Variants in SPAG9 observed in about 807,000 individuals in gnomAD.
SPAG9 encodes C-Jun-amino-terminal kinase-interacting protein 4.
A neutral mutation model predicts 166.5 loss-of-function variants in SPAG9; 35 were observed. The observed-to-expected ratio is 0.21, with a 90% CI of 0.16 to 0.28. The LOEUF (loss-of-function observed/expected upper bound fraction) is 0.28. Among genes scored for constraint, SPAG9 ranks in the 10% least tolerant of loss-of-function variants. SPAG9 has a pLI of 1.00. For missense variants in SPAG9, 1,235 were observed against 1,603.3 expected (o/e 0.77, Z 3.92); for synonymous variants, 534 against 565.5 (o/e 0.94, Z 0.79).
intron 3 of SPAG9, among the ~76,000 whole-genome samples, chr17:51,048,989 G>C (rs556496905): frequency 6.6e-6 from 1 of 152,154 alleles, no homozygotes; most frequent in African/African-American, 2.4e-5. Context: ...CTTGTGTCAG[G>C]AAGAATTTTC....
intron 1 of SPAG9, among the ~76,000 whole-genome samples, chr17:51,094,091 C>T (rs572856483): frequency 6.6e-6 from 1 of 152,092 alleles, no homozygotes; most frequent in Non-Finnish European, 1.5e-5. Flanking sequence ...GCTTACCTAC[C>T]ACTCCACCAG....
At chr17:51,079,753 A>C (rs757010706) in intron 1 of SPAG9, 49 bp from the exon 2 acceptor site, 1 of 1,247,080 alleles carries the variant, frequency 8.0e-7, no homozygotes, top group Non-Finnish European at 1.1e-6. Flanking sequence ...TAAACTTTAC[A>C]TTTTCAACTC....
intron 2 of SPAG9, 82 bp downstream of exon 2, chr17:51,079,502 G>A: frequency 7.2e-7 from 1 of 1,381,418 alleles, no homozygotes; most frequent in Non-Finnish European, 1.0e-6. Flanking sequence ...GCCTCCCAAA[G>A]TGCTGGGATT....
At chr17:50,996,445 C>T (rs1477904661) in intron 16 of SPAG9, 120 bp downstream of exon 16, 3 of 1,147,962 alleles carry the variant, frequency 2.6e-6, no homozygotes, top group Non-Finnish European at 3.7e-6. Context: ...AAATGTGTGC[C>T]CAGTCCATGC....
At chr17:51,013,570 G>A (rs773652029) in intron 9 of SPAG9, among the ~76,000 whole-genome samples, 22 of 152,060 alleles carry the variant, frequency 1.4e-4, no homozygotes, top group African/African-American at 4.6e-4. Flanking sequence ...GCCCATAAGC[G>A]GCAGTTTGCC....
chr17:50,984,701 A>G (rs2143759852), intron 24 of SPAG9, among the ~76,000 whole-genome samples: 1 of 152,196 alleles, frequency 6.6e-6, no homozygotes, highest in East Asian at 1.9e-4. Flanking sequence ...ATAAAATAAA[A>G]TAAAAGCACC....
At chr17:51,114,314 A>G (rs540328541) in intron 1 of SPAG9, among the ~76,000 whole-genome samples, 2 of 151,236 alleles carry the variant, frequency 1.3e-5, no homozygotes, top group Admixed American at 6.6e-5. Flanking sequence ...GCGACAGCAC[A>G]AGACTCTGTC....
intron 6 of SPAG9, among the ~76,000 whole-genome samples, chr17:51,022,167 C>A (rs11656738): frequency 0.24 from 36,149 of 150,286 alleles, 5,158 homozygotes; most frequent in Admixed American, 0.34. Flanking sequence ...CAGATTCCAG[C>A]CACGCACATG....
At chr17:51,047,232 C>T in intron 4 of SPAG9, 143 bp downstream of exon 4, 2 of 565,410 alleles carry the variant, frequency 3.5e-6, no homozygotes. Context: ...CTGTGCTATT[C>T]TCTCCTGCAG....
intron 1 of SPAG9, among the ~76,000 whole-genome samples, chr17:51,116,213 T>C (rs1461918639): frequency 3.3e-5 from 5 of 152,000 alleles, no homozygotes; most frequent in Admixed American, 6.6e-5. Flanking sequence ...ACCCAGATAA[T>C]TTTTGTATTT....
At chr17:51,094,489 G>C (rs1450060650) in intron 1 of SPAG9, among the ~76,000 whole-genome samples, 1 of 152,160 alleles carries the variant, frequency 6.6e-6, no homozygotes, top group Non-Finnish European at 1.5e-5. Flanking sequence ...AGAGCACTTG[G>C]AAATTATTAA....
chr17:51,055,614 C>T (rs989078956), intron 3 of SPAG9, among the ~76,000 whole-genome samples: 3 of 151,076 alleles, frequency 2.0e-5, no homozygotes, highest in East Asian at 3.9e-4. Context: ...AACAAAAAAA[C>T]GGGCTAAGAC....
At chr17:51,044,857 T>A (rs1002553843) in intron 4 of SPAG9, among the ~76,000 whole-genome samples, 1 of 152,188 alleles carries the variant, frequency 6.6e-6, no homozygotes, top group Non-Finnish European at 1.5e-5. Context: ...ATCAAAGACT[T>A]TGATATCTTT....
At position 50,995,453 on chromosome 17, in the gene SPAG9, T is replaced by A. The variant is rs777274961; in HGVS notation, c.2049A>T (p.Thr683=). The A allele has an allele frequency of 6.2e-7, 1 of 1,604,022 alleles. No homozygotes were observed. Among genetic ancestry groups the A allele is most frequent in the Non-Finnish European group, 8.5e-7 (1 of 1,171,536 alleles). The change falls in exon 17 of 30, where the codon ACA becomes ACT. Residue 683 remains threonine (T), a synonymous_variant. Transcript: ENST00000262013. ...VYLRPLDEKD[T]SMKLWCAVGV... is the part of the protein sequence containing the mutation. ...TTCACAATGAACTTACCTTCATTGA[T>A]GTATCTTTTTCATCCAGAGGTCTGA...
chr17:51,020,109 A>C, intron 8 of SPAG9, 50 bp downstream of exon 8: 2 of 1,050,838 alleles, frequency 1.9e-6, no homozygotes, highest in Non-Finnish European at 3.0e-6. Flanking sequence ...TGTTTATGGG[A>C]GTTGGGGGTG....
At chr17:51,117,814 G>A (rs2049336869) in intron 1 of SPAG9, among the ~76,000 whole-genome samples, 1 of 150,732 alleles carries the variant, frequency 6.6e-6, no homozygotes, top group African/African-American at 2.4e-5. Flanking sequence ...TCTGGATACT[G>A]AGCAACACAC....
At chr17:51,096,409 C>G (rs962332378) in intron 1 of SPAG9, among the ~76,000 whole-genome samples, 2 of 151,786 alleles carry the variant, frequency 1.3e-5, no homozygotes, top group Non-Finnish European at 2.9e-5. Flanking sequence ...AGACAGGCAA[C>G]AGAAACCAAA....
intron 10 of SPAG9, among the ~76,000 whole-genome samples, chr17:51,006,607 G>C (rs2045230072): frequency 6.6e-6 from 1 of 152,142 alleles, no homozygotes; most frequent in Non-Finnish European, 1.5e-5. Flanking sequence ...GTTTAAACTG[G>C]AAAGTTAAGA....
At chr17:51,065,822 T>TC (rs2047646917) in intron 2 of SPAG9, among the ~76,000 whole-genome samples, 1 of 152,160 alleles carries the variant, frequency 6.6e-6, no homozygotes, top group Non-Finnish European at 1.5e-5. Context: ...CACACGATGC[T>TC]CCATGCCCTT....
Sources: gnomAD v4.1 joint callset for allele counts (sites outside exome capture counted in the v4.1 genomes callset) on GRCh38, gnomAD v4.1.1 for gene constraint, MANE v1.5 for transcripts, NCBI Gene and HGNC (gene_info 2026-07-23, HGNC 2026-07-21) for gene names.